The following SLCO1B3 variants were observed in gnomAD, a reference collection of about 807,000 sequenced individuals.
The protein encoded by SLCO1B3 is solute carrier organic anion transporter family member 1B3, also known as liver-specific organic anion transporter 2.
A neutral mutation model predicts 71.8 loss-of-function variants in SLCO1B3; 72 were observed. The ratio of observed to expected loss-of-function variants is 1.00; its 90% CI spans 0.83 to 1.22. The LOEUF is 1.22. Ranked by LOEUF, SLCO1B3 falls within the 50% of genes most tolerant of loss-of-function variation. The pLI is 0.00. For synonymous variants in SLCO1B3, 298 were observed against 278.4 expected (o/e 1.07, Z -0.70); for missense variants, 911 against 819.7 (o/e 1.11, Z -1.36).
At position 20,904,755 on chromosome 12, in the gene SLCO1B3, CTTTTTTTTTTTTTTTTTT is replaced by C. The variant is rs775996155; in HGVS notation, c.1865+3304_1865+3321del. Among the ~76,000 whole-genome samples the C allele has an allele frequency of 8.9e-5, 5 of 56,114 alleles. No homozygotes were observed. In the Admixed American group the frequency reaches 9.7e-4, roughly 11 times the overall value. 36.8% of individuals were successfully genotyped at this position (56,114 alleles called of 152,430 possible). Reference sequence around the variant, plus strand: ...GCAGACTTCTGCCTGGACATCCAGGCTTTTTTTTTTTTTTTTTTTTTTTTTTTTTTTTTCTTGAGACAG... The same window carrying C: ...GCAGACTTCTGCCTGGACATCCAGGCTTTTTTTTTTTTTTTCTTGAGACAG... On this transcript the variant is annotated intron_variant, in intron 15 of 15. Transcript: ENST00000381545.
intron 3 of SLCO1B3, among the ~76,000 whole-genome samples, chr12:20,851,925 G>T (rs143618070): frequency 8.5e-5 from 13 of 152,134 alleles, no homozygotes; most frequent in African/African-American, 3.1e-4. Context: ...TTCTCTCCCT[G>T]TCATGCAGTG....
chr12:20,873,492 C>T (rs929831196), intron 8 of SLCO1B3, among the ~76,000 whole-genome samples: 7 of 152,000 alleles, frequency 4.6e-5, no homozygotes, highest in Admixed American at 1.3e-4. Context: ...CTCAGTACTT[C>T]GAGACAGATG....
intron 3 of SLCO1B3, among the ~76,000 whole-genome samples, chr12:20,831,396 G>T (rs374244066): frequency 4.2e-4 from 61 of 143,872 alleles, no homozygotes; most frequent in African/African-American, 1.3e-3. Context: ...GAAAATGTTT[G>T]AATAAGGTTA....
At chr12:20,853,942 A>ATTTTTTTTTTTTTT (rs1555155269) in intron 3 of SLCO1B3, among the ~76,000 whole-genome samples, 16 of 141,220 alleles carry the variant, frequency 1.1e-4, no homozygotes, top group African/African-American at 3.2e-4. Flanking sequence ...TATTTTATTA[A>ATTTTTTTTTTTTTT]TTCTTGTTAT....
At chr12:20,905,586 GAA>G (rs1427655331) in intron 15 of SLCO1B3, among the ~76,000 whole-genome samples, 7 of 152,036 alleles carry the variant, frequency 4.6e-5, no homozygotes, top group Non-Finnish European at 8.8e-5. Flanking sequence ...CTCTCAAGTT[GAA>G]AGTTCCACAG....
At chr12:20,810,939 T>A (rs1168918297) in intron 1 of SLCO1B3, among the ~76,000 whole-genome samples, 175 bp downstream of exon 1, 2 of 152,126 alleles carry the variant, frequency 1.3e-5, no homozygotes, top group Non-Finnish European at 2.9e-5. Flanking sequence ...CTTCTAGAAA[T>A]AGAAGAGCCT....
chr12:20,903,697 C>T (rs1314394266), intron 15 of SLCO1B3, among the ~76,000 whole-genome samples: 1 of 152,158 alleles, frequency 6.6e-6, no homozygotes, highest in Non-Finnish European at 1.5e-5. Flanking sequence ...AAGATCCAGT[C>T]ACCTCCCACC....
intron 6 of SLCO1B3, among the ~76,000 whole-genome samples, chr12:20,862,140 A>G (rs1441991240): frequency 6.6e-6 from 1 of 152,160 alleles, no homozygotes; most frequent in African/African-American, 2.4e-5. Flanking sequence ...AATGTACATA[A>G]GGAATATTAT....
chr12:20,858,507 A>G lies in SLCO1B3; in HGVS notation c.295A>G (p.Ile99Val). 4 of 1,597,948 alleles carry G rather than the reference A, an allele frequency of 2.5e-6. No homozygotes were observed. The highest frequency in any genetic ancestry group is 3.4e-6 in the Non-Finnish European group (4 of 1,165,292). ...ACTACACAGACCGAAGTTAATTGGA[A>G]TTGGTTGTCTCCTTATGGGAACTGG... ...SKLHRPKLIGIGCLLMGTGSI... is the reference protein window; with the variant it reads ...SKLHRPKLIGVGCLLMGTGSI... Residue 99 changes from isoleucine to valine, a missense_variant, in exon 5 of 16, where the codon ATT becomes GTT. Ile to Val is a conservative substitution (Grantham distance 29). Transcript: ENST00000381545.
At chr12:20,881,791 G>A (rs572124704) in intron 12 of SLCO1B3, among the ~76,000 whole-genome samples, 7 of 151,966 alleles carry the variant, frequency 4.6e-5, no homozygotes, top group African/African-American at 1.4e-4. Flanking sequence ...CATCTCACAA[G>A]TTGCATAACT....
rs762457419 is a variant in SLCO1B3, at chr12:20,861,101, AT to A, written c.445del (p.Ser149HisfsTer9). On this transcript the variant is annotated frameshift_variant, in exon 6 of 16. Transcript: ENST00000381545. LOFTEE classifies it high-confidence loss of function. Reference protein sequence around the residue: ...LSTCLINQTLSFNGTSPEIVE... With the variant: ...LSTCLINQTLXFNGTSPEIVE... Reference sequence around the variant, plus strand: ...CAACCTGTTTAATTAATCAAACCTTATCATTCAATGGAACATCACCTGAGAT... The same window carrying A: ...CAACCTGTTTAATTAATCAAACCTTACATTCAATGGAACATCACCTGAGAT... The A allele has an allele frequency of 3.6e-5, 58 of 1,599,854 alleles. No individual in the cohort carries two copies. Among genetic ancestry groups the A allele is most frequent in the Non-Finnish European group, 4.8e-5 (56 of 1,171,990 alleles).
chr12:20,860,688 A>G (rs1474311327), intron 5 of SLCO1B3, among the ~76,000 whole-genome samples: 1 of 151,930 alleles, frequency 6.6e-6, no homozygotes, highest in Non-Finnish European at 1.5e-5. Flanking sequence ...ACTCAAAGGG[A>G]TAAATAGACA....
chr12:20,845,184 GCC>G, intron 3 of SLCO1B3: 1 of 449,564 alleles, frequency 2.2e-6, no homozygotes, highest in Non-Finnish European at 4.5e-6. Flanking sequence ...GTACAAGGTA[GCC>G]ACATGGGAGA....
chr12:20,860,522 G>A (rs1865239007), intron 5 of SLCO1B3, among the ~76,000 whole-genome samples: 2 of 151,418 alleles, frequency 1.3e-5, no homozygotes, highest in South Asian at 2.1e-4. Context: ...CTCCATCTCC[G>A]TTGTTCTTAT....
chr12:20,909,742 G>A (rs986976313), intron 15 of SLCO1B3, among the ~76,000 whole-genome samples: 6 of 151,840 alleles, frequency 4.0e-5, no homozygotes, highest in African/African-American at 1.2e-4. Flanking sequence ...AATGGATCTC[G>A]CTCTGTTGCC....
At chr12:20,814,812 G>T (rs894873268) in intron 2 of SLCO1B3, among the ~76,000 whole-genome samples, 1 of 151,746 alleles carries the variant, frequency 6.6e-6, no homozygotes, top group Non-Finnish European at 1.5e-5. Flanking sequence ...CAGGAGAATG[G>T]CGTGAACCTG....
At position 20,815,733 on chromosome 12, in the gene SLCO1B3, T is replaced by C; in HGVS notation, c.-6T>C. ...AAAATATTCACTTGGTATCTGTAGT[T>C]TAATAATGGACCAACATCAACATTT... On this transcript the variant is annotated 5_prime_UTR_variant, in exon 3 of 16. Coordinates refer to ENST00000381545, the MANE Select transcript of SLCO1B3 (RefSeq NM_019844.4). The C allele has an allele frequency of 1.2e-6, 1 of 863,102 alleles. No individual in the cohort carries two copies. The highest frequency in any genetic ancestry group is 1.7e-6 in the Non-Finnish European group (1 of 584,448). The allele number at this position is 863,102 out of a possible 1,614,324, so 53.5% of individuals were successfully genotyped here. A position where few individuals can be genotyped will look rare whatever the true frequency, so the allele number is the denominator to read the frequency against.
intron 3 of SLCO1B3, among the ~76,000 whole-genome samples, chr12:20,848,027 G>C (rs570196780): frequency 6.6e-6 from 1 of 152,192 alleles, no homozygotes; most frequent in African/African-American, 2.4e-5. Context: ...TCATGTACAA[G>C]TGCTGTCCCA....
At chr12:20,843,204 T>C (rs923193717) in intron 3 of SLCO1B3, among the ~76,000 whole-genome samples, 1 of 152,206 alleles carries the variant, frequency 6.6e-6, no homozygotes, top group African/African-American at 2.4e-5. Context: ...AAATTTTAGA[T>C]ATTATATCTA....
Sources: allele counts gnomAD v4.1 joint callset (sites outside exome capture counted in the v4.1 genomes callset), GRCh38; gene constraint gnomAD v4.1.1; transcripts MANE v1.5; gene names NCBI Gene and HGNC (gene_info 2026-07-23, HGNC 2026-07-21).